Variants in NRG3 observed in about 807,000 individuals in gnomAD.
The protein encoded by NRG3 is neuregulin 3, also known as pro-neuregulin-3, membrane-bound isoform.
A neutral mutation model predicts 66.9 loss-of-function variants in NRG3; 31 were observed. That is an observed-to-expected ratio of 0.46 (90% CI 0.35 to 0.63). NRG3 has a LOEUF of 0.63. NRG3 is among the 20% of genes least tolerant of loss of function. The pLI is 0.00. For synonymous variants in NRG3, 393 were observed against 359.4 expected, an observed-to-expected ratio of 1.09 and a Z score of -1.06; for missense variants, 910 against 878.9, an observed-to-expected ratio of 1.04 and a Z score of -0.45.
chr10:82,633,287 G>T (rs2049970587), intron 2 of NRG3, among the ~76,000 whole-genome samples: 1 of 152,158 alleles, frequency 6.6e-6, no homozygotes, highest in Non-Finnish European at 1.5e-5. Context: ...GAATTTCCAA[G>T]ACTGTTTTAA....
At chr10:82,582,733 G>A (rs1208515158) in intron 2 of NRG3, among the ~76,000 whole-genome samples, 1 of 150,920 alleles carries the variant, frequency 6.6e-6, no homozygotes, top group Non-Finnish European at 1.5e-5. Flanking sequence ...ACACATAAAT[G>A]TTTAGTTTCC....
At chr10:82,190,079 C>T (rs568145374) in intron 1 of NRG3, among the ~76,000 whole-genome samples, 6 of 152,146 alleles carry the variant, frequency 3.9e-5, no homozygotes, top group Admixed American at 1.3e-4. Context: ...CAAATACAGG[C>T]CCTGACTTGG....
At chr10:82,617,844 C>G (rs138744527) in intron 2 of NRG3, among the ~76,000 whole-genome samples, 1 of 152,272 alleles carries the variant, frequency 6.6e-6, no homozygotes, top group East Asian at 1.9e-4. Context: ...CTGTCTACTC[C>G]GGCAAATGCG....
intron 1 of NRG3, among the ~76,000 whole-genome samples, chr10:82,278,225 G>T (rs1282244557): frequency 6.6e-6 from 1 of 151,690 alleles, no homozygotes; most frequent in Non-Finnish European, 1.5e-5. Context: ...TTTTTAAAGC[G>T]TTCTTGGTTT....
Position 82,165,824 on chromosome 10 carries a change from A to G in NRG3, c.824-192915A>G, listed in dbSNP as rs545509314. 2.0e-5 allele frequency among the ~76,000 whole-genome samples: 3 copies of G among 151,918 alleles called. No individual in the cohort carries two copies. In the East Asian group the frequency reaches 5.8e-4, roughly 29 times the overall value. On this transcript the variant is annotated intron_variant, in intron 1 of 8. Coordinates refer to ENST00000372141, the MANE Select transcript of NRG3 (RefSeq NM_001010848.4). ...GAAATCTAAGAATTATTTTTTGTGA[A>G]TTGAAAAAATTCTCAATATTCCAAC...
chr10:82,638,734 C>T (rs1023797545), intron 2 of NRG3, among the ~76,000 whole-genome samples: 1 of 152,076 alleles, frequency 6.6e-6, no homozygotes, highest in African/African-American at 2.4e-5. Context: ...GCAGCTTCCA[C>T]CTCGCAGGTT....
chr10:82,335,734 A>G (rs150115059), intron 1 of NRG3, among the ~76,000 whole-genome samples: 136 of 152,352 alleles, frequency 8.9e-4, no homozygotes, highest in Admixed American at 2.1e-3. Context: ...ATTAGGATCA[A>G]AATCAAGTCT....
At chr10:81,972,448 A>G (rs1271875254) in intron 1 of NRG3, among the ~76,000 whole-genome samples, 1 of 152,190 alleles carries the variant, frequency 6.6e-6, no homozygotes, top group Non-Finnish European at 1.5e-5. Flanking sequence ...AAAATTAAGT[A>G]CAAAGAAGAC....
intron 2 of NRG3, among the ~76,000 whole-genome samples, chr10:82,392,168 G>T (rs898136259): frequency 6.6e-6 from 1 of 152,140 alleles, no homozygotes; most frequent in African/African-American, 2.4e-5. Context: ...GAGAATAAGA[G>T]ATGGCAGCTT....
intron 1 of NRG3, among the ~76,000 whole-genome samples, chr10:82,132,542 T>TATATCATATATATATCATATATATATG (rs1388724448): frequency 2.3e-5 from 3 of 130,944 alleles, no homozygotes; most frequent in Admixed American, 8.2e-5. Context: ...ATATGATATA[T>TATATCATATATATATCATATATATATG]ATATATCTTT....
At chr10:82,855,262 A>G (rs1235240343) in intron 3 of NRG3, among the ~76,000 whole-genome samples, 1 of 152,230 alleles carries the variant, frequency 6.6e-6, no homozygotes, top group Non-Finnish European at 1.5e-5. Context: ...AATCATTAGT[A>G]TGATAACTGC....
rs1242049429 is a variant in NRG3, at chr10:82,518,944, G to A, written c.953+160076G>A. ...ATGAAGCCAGCTCAGTAGAGGTCAAGGGGAAATGATATTATGTGTGTTCCC... is the reference window on the plus strand; with the variant it reads ...ATGAAGCCAGCTCAGTAGAGGTCAAAGGGAAATGATATTATGTGTGTTCCC... On this transcript the variant is annotated intron_variant, in intron 2 of 8. Transcript: ENST00000372141. Among the ~76,000 whole-genome samples, 5 of 152,260 alleles carry A rather than the reference G, an allele frequency of 3.3e-5. No individual in the cohort carries two copies. In the East Asian group the frequency reaches 9.6e-4, roughly 29 times the overall value.
At chr10:82,225,043 A>G (rs2133817864) in intron 1 of NRG3, among the ~76,000 whole-genome samples, 1 of 152,188 alleles carries the variant, frequency 6.6e-6, no homozygotes, top group South Asian at 2.1e-4. Context: ...AATATTCAGT[A>G]TACTTTTAAA....
chr10:82,123,059 G>A (rs1163170403), intron 1 of NRG3, among the ~76,000 whole-genome samples: 8 of 151,044 alleles, frequency 5.3e-5, no homozygotes, highest in Admixed American at 2.0e-4. Flanking sequence ...ATGGATTCAC[G>A]TGGAACTATC....
chr10:82,083,371 T>C (rs761533130), intron 1 of NRG3, among the ~76,000 whole-genome samples: 1 of 152,058 alleles, frequency 6.6e-6, no homozygotes, highest in Non-Finnish European at 1.5e-5. Flanking sequence ...GGAAGATGTA[T>C]TTGTTTGTCT....
chr10:81,876,209 C>T (rs1283401112), intron 1 of NRG3, 46 bp downstream of exon 1: 1 of 1,524,014 alleles, frequency 6.6e-7, no homozygotes, highest in African/African-American at 1.4e-5. Context: ...CTGAGTTTCC[C>T]TTCTGCCCTC....
At chr10:82,190,167 C>T (rs895882839) in intron 1 of NRG3, among the ~76,000 whole-genome samples, 1 of 152,024 alleles carries the variant, frequency 6.6e-6, no homozygotes, top group African/African-American at 2.4e-5. Context: ...ATAATAGTGC[C>T]TACTTTCTAA....
At chr10:82,804,755 C>G (rs1368676503) in intron 3 of NRG3, among the ~76,000 whole-genome samples, 1 of 152,096 alleles carries the variant, frequency 6.6e-6, no homozygotes, top group Non-Finnish European at 1.5e-5. Context: ...AACTAACTGC[C>G]CTTTGCTAGG....
chr10:82,959,734 G>T (rs572001492), intron 6 of NRG3, among the ~76,000 whole-genome samples: 1 of 152,192 alleles, frequency 6.6e-6, no homozygotes, highest in East Asian at 1.9e-4. Context: ...AAAGGTGAAA[G>T]GTGGAGTTTC....
Sources: allele counts gnomAD v4.1 joint callset (sites outside exome capture counted in the v4.1 genomes callset), GRCh38; gene constraint gnomAD v4.1.1; transcripts MANE v1.5; gene names NCBI Gene and HGNC (gene_info 2026-07-23, HGNC 2026-07-21).